The following RPL31 variants were observed in gnomAD, a reference collection of about 807,000 sequenced individuals.
RPL31 encodes large ribosomal subunit protein eL31.
For missense variants in RPL31, 95 were observed against 164.0 expected, an observed-to-expected ratio of 0.58 and a Z score of 2.30; for synonymous variants, 51 against 55.0, an observed-to-expected ratio of 0.93 and a Z score of 0.32.
downstream of RPL31, chr2:101,011,105 G>A (rs1679176343): frequency 2.3e-6 from 3 of 1,330,520 alleles, no homozygotes; most frequent in Non-Finnish European, 3.2e-6. Context: ...GTAGGAGAGA[G>A]GAGCAAGGGG....
intron 4 of RPL31, chr2:101,017,802 A>T: frequency 2.0e-6 from 3 of 1,534,506 alleles, no homozygotes; most frequent in Non-Finnish European, 2.6e-6. Context: ...GGACTTTTTA[A>T]TATTAGTTTT....
At chr2:101,002,670 C>A in intron 1 of RPL31, 32 bp from the exon 2 acceptor site, 2 of 1,558,030 alleles carry the variant, frequency 1.3e-6, no homozygotes, top group Non-Finnish European at 8.9e-7. Flanking sequence ...TTGTTAAACT[C>A]TGCTCTGAGC....
intron 4 of RPL31, among the ~76,000 whole-genome samples, chr2:101,016,832 C>A (rs944614064): frequency 5.3e-5 from 8 of 151,904 alleles, no homozygotes; most frequent in Non-Finnish European, 1.0e-4. Flanking sequence ...GGACAAAAAA[C>A]CAAACATCAC....
intron 3 of RPL31, chr2:101,005,729 A>G (rs1034275582): frequency 3.3e-5 from 18 of 549,836 alleles, no homozygotes; most frequent in African/African-American, 1.7e-4. Context: ...TTGGGTATCA[A>G]TGGTGGCTAC....
At chr2:101,011,359 G>T, downstream of RPL31, 1 of 1,241,572 alleles carries the variant, frequency 8.1e-7, no homozygotes, top group Non-Finnish European at 1.2e-6. Context: ...AAAAGACAAG[G>T]CTGCTACAAG....
At chr2:101,007,676 C>A, downstream of RPL31, 1 of 807,820 alleles carries the variant, frequency 1.2e-6, no homozygotes, top group South Asian at 1.7e-5. Context: ...GTGTCGGTTC[C>A]CCTGGCCACA....
At chr2:101,010,737 C>G (rs1286797624), downstream of RPL31, among the ~76,000 whole-genome samples, 1 of 151,876 alleles carries the variant, frequency 6.6e-6, no homozygotes, top group Non-Finnish European at 1.5e-5. Flanking sequence ...ACAAAAATAG[C>G]CAGACGTGGT....
rs552344974 is a variant in RPL31 at position 101,005,947 on chromosome 2, T to C, written c.234-12T>C. On this transcript the variant is annotated splice_polypyrimidine_tract_variant and intron_variant, in intron 3 of 4. Coordinates refer to ENST00000264258, the MANE Select transcript of RPL31 (RefSeq NM_000993.5). ...GGCATTGACTTCAGCAACACAATTA[T>C]GTTTTTATTAGGAATGTGCCATACC... 8.7e-6 allele frequency: 14 copies of C among 1,609,784 alleles called. No individual in the cohort carries two copies. Among genetic ancestry groups the C allele is most frequent in the African/African-American group, 6.7e-5 (5 of 74,806 alleles).
At chr2:101,005,824 CTG>C (rs1171825070) in intron 3 of RPL31, 133 bp from the exon 4 acceptor site, 4 of 686,028 alleles carry the variant, frequency 5.8e-6, no homozygotes, top group Admixed American at 3.0e-5. Context: ...TTCCAGGGAA[CTG>C]TAAGTTCTAG....
intron 4 of RPL31, 128 bp downstream of exon 4, chr2:101,006,199 G>T: frequency 6.6e-7 from 1 of 1,509,700 alleles, no homozygotes; most frequent in African/African-American, 1.4e-5. Flanking sequence ...TGTTGGTGTG[G>T]GAAGATGCTA....
In RPL31 at chr2:101,005,962, T is replaced by C. The variant is rs766289368; in HGVS notation, c.237T>C (p.Asn79=). The C allele has an allele frequency of 6.2e-7, 1 of 1,612,006 alleles. No homozygotes were observed. The highest frequency in any genetic ancestry group is 1.1e-5 in the South Asian group (1 of 90,900). The change falls in exon 4 of 5, where the codon AAT becomes AAC. Residue 79 remains asparagine (N), a synonymous_variant. Transcript: ENST00000264258. ...NKAVWAKGIR[N]VPYRIRVRLS... is the part of the protein sequence containing the mutation. The stretch of plus-strand genomic sequence containing the variant: ...AACACAATTATGTTTTTATTAGGAA[T>C]GTGCCATACCGAATCCGTGTGCGGC...
downstream of RPL31, chr2:101,011,556 G>T (rs775481404): frequency 8.7e-6 from 14 of 1,613,534 alleles, no homozygotes; most frequent in Middle Eastern, 1.6e-4. Flanking sequence ...AAAAAGATGA[G>T]AGGTTTAAAT....
chr2:101,005,880 T>G, intron 3 of RPL31, 79 bp from the exon 4 acceptor site: 1,013 of 1,165,344 alleles, frequency 8.7e-4, no homozygotes, highest in Non-Finnish European at 1.2e-3. Context: ...AGCAGGCATA[T>G]GAGATATGTG....
intron 3 of RPL31, 64 bp downstream of exon 3, chr2:101,004,347 C>T (rs892581797): frequency 1.3e-6 from 2 of 1,574,578 alleles, no homozygotes; most frequent in Non-Finnish European, 1.7e-6. Context: ...CTTAACCCTG[C>T]AAGAGCCCAT....
downstream of RPL31, chr2:101,010,988 T>A: frequency 3.1e-6 from 5 of 1,613,110 alleles, no homozygotes; most frequent in Non-Finnish European, 3.4e-6. Context: ...AAATCCTTAA[T>A]CATCTGCTTC....
rs561880563 is a variant in RPL31 at position 101,013,045 on chromosome 2, A to G, written c.347-5953A>G. On this transcript the variant is annotated intron_variant, in intron 4 of 4. Transcript: ENST00000409028. ...AGAACTTGGCGTACCACAAAGTAGAAATGTGTATACAAGTCACCAACAAAA... is the reference window on the plus strand; with the variant it reads ...AGAACTTGGCGTACCACAAAGTAGAGATGTGTATACAAGTCACCAACAAAA... Among the ~76,000 whole-genome samples, 21 of 152,336 alleles carry G rather than the reference A, an allele frequency of 1.4e-4. 1 individual carries two copies. In the South Asian group the frequency reaches 4.4e-3, roughly 32 times the overall value.
intron 4 of RPL31, 76 bp downstream of exon 4, chr2:101,006,147 G>T: frequency 3.2e-6 from 5 of 1,562,946 alleles, no homozygotes; most frequent in Non-Finnish European, 4.3e-6. Flanking sequence ...GAATTCATCT[G>T]TTAAGCTAGG....
chr2:101,003,440 C>G (rs1281435805), intron 2 of RPL31, among the ~76,000 whole-genome samples: 1 of 152,164 alleles, frequency 6.6e-6, no homozygotes, highest in Non-Finnish European at 1.5e-5. Flanking sequence ...GCCACCACAC[C>G]TGGCCCACCT....
downstream of RPL31, among the ~76,000 whole-genome samples, chr2:101,009,385 G>A (rs1295577356): frequency 2.1e-5 from 3 of 143,962 alleles, no homozygotes; most frequent in African/African-American, 5.2e-5. Flanking sequence ...TAGCCTGGGC[G>A]ACAGAGTGAG....
Sources: gnomAD v4.1 joint callset for allele counts (sites outside exome capture counted in the v4.1 genomes callset) on GRCh38, gnomAD v4.1.1 for gene constraint, MANE v1.5 for transcripts, NCBI Gene and HGNC (gene_info 2026-07-23, HGNC 2026-07-21) for gene names.